ARHGAP42: variants seen among roughly 807,000 people sequenced by gnomAD.
The protein encoded by ARHGAP42 is rho GTPase-activating protein 42.
Under a neutral mutation model 125.0 loss-of-function variants are expected in ARHGAP42, and 63 were observed. The ratio of observed to expected loss-of-function variants is 0.50; its 90% CI spans 0.41 to 0.62. The LOEUF (loss-of-function observed/expected upper bound fraction) is 0.62. Ranked by LOEUF, ARHGAP42 falls within the 20% of genes least tolerant of loss-of-function variation. ARHGAP42 has a pLI of 0.00. For missense variants in ARHGAP42, 766 were observed against 1,024.2 expected (o/e 0.75, Z 3.44); for synonymous variants, 339 against 351.0 (o/e 0.97, Z 0.38).
intron 4 of ARHGAP42, among the ~76,000 whole-genome samples, chr11:100,894,606 C>G (rs755201651): frequency 1.6e-4 from 25 of 152,190 alleles, no homozygotes; most frequent in Admixed American, 1.6e-3. Flanking sequence ...AACTACCAAG[C>G]TGACAATTTT....
chr11:100,877,235 T>C (rs1360559534), intron 4 of ARHGAP42, among the ~76,000 whole-genome samples: 2 of 152,192 alleles, frequency 1.3e-5, no homozygotes, highest in African/African-American at 4.8e-5. Flanking sequence ...TAGAGTTCCA[T>C]TTTGAAAACT....
intron 1 of ARHGAP42, among the ~76,000 whole-genome samples, chr11:100,748,051 T>TA (rs1862345226): frequency 6.6e-6 from 1 of 151,136 alleles, no homozygotes. Flanking sequence ...GTCTGTGTAC[T>TA]AAACTGTCTA....
At position 100,717,689 on chromosome 11, in the gene ARHGAP42, G is replaced by A. The variant is rs945579115; in HGVS notation, c.154+29857G>A. On this transcript the variant is annotated intron_variant, in intron 1 of 23. Coordinates refer to ENST00000298815, the MANE Select transcript of ARHGAP42 (RefSeq NM_152432.4). ...ATATATAATTCCAGCACTTTGGGAGGCTGAGGTTGGCAGATCAATAGAGGT... is the reference window on the plus strand; with the variant it reads ...ATATATAATTCCAGCACTTTGGGAGACTGAGGTTGGCAGATCAATAGAGGT... Among the ~76,000 whole-genome samples, 7 of 151,006 alleles carry A rather than the reference G, an allele frequency of 4.6e-5. 1 individual carries two copies. Among genetic ancestry groups the A allele is most frequent in the Admixed American group, 4.0e-4 (6 of 15,146 alleles).
intron 3 of ARHGAP42, among the ~76,000 whole-genome samples, chr11:100,799,612 G>C (rs1307929986): frequency 1.3e-5 from 2 of 152,296 alleles, no homozygotes; most frequent in East Asian, 1.9e-4. Flanking sequence ...AATTAGAAGA[G>C]TAATGGAGCC....
chr11:100,738,121 T>C (rs1862105015), intron 1 of ARHGAP42, among the ~76,000 whole-genome samples: 1 of 152,212 alleles, frequency 6.6e-6, no homozygotes, highest in Non-Finnish European at 1.5e-5. Flanking sequence ...TAAGAAATGA[T>C]TTTTTTCTGT....
intron 3 of ARHGAP42, chr11:100,840,500 AAC>A (rs1314722983): frequency 6.6e-6 from 1 of 152,182 alleles, no homozygotes; most frequent in Non-Finnish European, 1.5e-5. Flanking sequence ...GAATAATATG[AAC>A]ACTTAGTATT....
intron 1 of ARHGAP42, among the ~76,000 whole-genome samples, chr11:100,728,421 T>C (rs900744164): frequency 2.6e-5 from 4 of 152,110 alleles, no homozygotes. Flanking sequence ...GAGAGAAAGA[T>C]GCCTTGGGCA....
intron 1 of ARHGAP42, among the ~76,000 whole-genome samples, chr11:100,730,847 G>A (rs550355014): frequency 2.0e-5 from 3 of 152,312 alleles, no homozygotes; most frequent in Admixed American, 6.5e-5. Flanking sequence ...AACCTGTACA[G>A]CATATGATTG....
At chr11:100,757,302 C>T (rs1862599625) in intron 1 of ARHGAP42, among the ~76,000 whole-genome samples, 1 of 152,224 alleles carries the variant, frequency 6.6e-6, no homozygotes, top group East Asian at 1.9e-4. Flanking sequence ...GATTGAGATT[C>T]CTGTCCTGAT....
intron 1 of ARHGAP42, among the ~76,000 whole-genome samples, chr11:100,727,151 AGTTT>A (rs1021893250): frequency 1.4e-4 from 21 of 152,210 alleles, no homozygotes; most frequent in African/African-American, 4.3e-4. Context: ...TTTTTCTAAT[AGTTT>A]GATTTGAAGT....
At chr11:100,792,884 C>G (rs1396398336) in intron 2 of ARHGAP42, among the ~76,000 whole-genome samples, 1 of 151,866 alleles carries the variant, frequency 6.6e-6, no homozygotes, top group Non-Finnish European at 1.5e-5. Context: ...TCCTGAGTAG[C>G]TGGGACTACA....
chr11:100,779,820 G>A (rs1375793104), intron 2 of ARHGAP42, among the ~76,000 whole-genome samples: 1 of 151,700 alleles, frequency 6.6e-6, no homozygotes, highest in Non-Finnish European at 1.5e-5. Flanking sequence ...GAAGTCAGGA[G>A]TTCGAGACCT....
At chr11:100,947,963 C>T (rs562656326) in intron 10 of ARHGAP42, among the ~76,000 whole-genome samples, 1 of 151,908 alleles carries the variant, frequency 6.6e-6, no homozygotes, top group Non-Finnish European at 1.5e-5. Flanking sequence ...TCAATATTGT[C>T]ATCATGGTAC....
chr11:100,775,581 C>T (rs560736773), intron 2 of ARHGAP42, among the ~76,000 whole-genome samples: 2 of 152,122 alleles, frequency 1.3e-5, no homozygotes, highest in African/African-American at 4.8e-5. Context: ...AAATCATATT[C>T]TTTTGAAAAC....
At chr11:100,744,037 C>T (rs944992746) in intron 1 of ARHGAP42, among the ~76,000 whole-genome samples, 5 of 152,170 alleles carry the variant, frequency 3.3e-5, no homozygotes, top group African/African-American at 1.2e-4. Flanking sequence ...ATGGCATGAT[C>T]TTGGCTTACT....
At chr11:100,808,395 C>CTTTTTTT (rs398045483) in intron 3 of ARHGAP42, among the ~76,000 whole-genome samples, 4 of 118,774 alleles carry the variant, frequency 3.4e-5, no homozygotes, top group Non-Finnish European at 5.1e-5. Flanking sequence ...TAAATTCACT[C>CTTTTTTT]TTTTTTTTTT....
chr11:100,699,288 A>G (rs918231516), intron 1 of ARHGAP42, among the ~76,000 whole-genome samples: 2 of 151,662 alleles, frequency 1.3e-5, no homozygotes, highest in African/African-American at 2.4e-5. Flanking sequence ...AACCTCATGC[A>G]TCTGGTAAAT....
chr11:100,753,290 C>A (rs1862500720), intron 1 of ARHGAP42, among the ~76,000 whole-genome samples: 1 of 152,172 alleles, frequency 6.6e-6, no homozygotes, highest in Admixed American at 6.5e-5. Flanking sequence ...AGCTCCCATG[C>A]ACTTGATAAG....
intron 3 of ARHGAP42, among the ~76,000 whole-genome samples, chr11:100,841,533 C>A (rs1177120731): frequency 6.6e-6 from 1 of 152,140 alleles, no homozygotes; most frequent in Non-Finnish European, 1.5e-5. Flanking sequence ...TTGTTATAAT[C>A]ACATTCTGCA....
Sources: gnomAD v4.1 joint callset for allele counts (sites outside exome capture counted in the v4.1 genomes callset) on GRCh38, gnomAD v4.1.1 for gene constraint, MANE v1.5 for transcripts, NCBI Gene and HGNC (gene_info 2026-07-23, HGNC 2026-07-21) for gene names.